ETFRF1: variants seen among roughly 807,000 people sequenced by gnomAD.
ETFRF1 encodes LYR motif containing 5.
In ETFRF1, 12 loss-of-function variants were observed where a neutral mutation model predicts 9.0. The observed-to-expected ratio is 1.34, with a 90% CI of 0.86 to 2.16. ETFRF1 has a LOEUF of 2.16. Among genes scored for constraint, ETFRF1 ranks in the 30% most tolerant of loss-of-function variants. The pLI, the probability that ETFRF1 is intolerant of heterozygous loss-of-function variation, is 0.00. For synonymous variants in ETFRF1, 34 were observed against 33.2 expected, an observed-to-expected ratio of 1.02 and a Z score of -0.08; for missense variants, 98 against 101.8, an observed-to-expected ratio of 0.96 and a Z score of 0.16.
At chr12:25,199,734 C>G (rs73288817) in intron 1 of ETFRF1, among the ~76,000 whole-genome samples, 3,040 of 152,068 alleles carry the variant, frequency 0.02, 83 homozygotes, top group African/African-American at 0.07. Context: ...TTCCTGGTCT[C>G]CAGCCCCTAC....
In ETFRF1 at chr12:25,204,285, T is replaced by C. The variant is rs140132567; in HGVS notation, c.246T>C (p.Tyr82=). The C allele has an allele frequency of 4.9e-4, 770 of 1,584,932 alleles. 1 individual carries two copies. The highest frequency in any genetic ancestry group is 5.9e-4 in the Non-Finnish European group (687 of 1,171,158). The change falls in exon 3 of 3, where the codon TAT becomes TAC. Residue 82 remains tyrosine (Y), a synonymous_variant. Coordinates refer to ENST00000381356, the MANE Select transcript of ETFRF1 (RefSeq NM_001001660.3). The stretch of plus-strand genomic sequence containing the variant: ...AATACAGAGCTATGAAACAACGCTA[T>C]TATTCAGATACCAACAAAACTAATT... ...LRKYRAMKQR[Y]YSDTNKTN
rs766513815 is a variant in ETFRF1 at position 25,203,971 on chromosome 12, T to C, written c.15T>C (p.Asn5=). 4.1e-6 allele frequency: 6 copies of C among 1,479,640 alleles called. No individual in the cohort carries two copies. The highest frequency in any genetic ancestry group is 4.5e-6 in the Non-Finnish European group (5 of 1,115,768). The allele number at this position is 1,479,640 out of a possible 1,614,324, so 91.7% of individuals were successfully genotyped here. A position where few individuals can be genotyped will look rare whatever the true frequency, so the allele number is the denominator to read the frequency against. The change falls in exon 2 of 3, where the codon AAT becomes AAC. Residue 5 remains asparagine (N), a synonymous_variant. Coordinates refer to ENST00000381356, the MANE Select transcript of ETFRF1 (RefSeq NM_001001660.3). MKMA[N]SLRGEVLKLY... is the part of the protein sequence containing the mutation. The stretch of plus-strand genomic sequence containing the variant: ...TTACATGATAAATGAAAATGGCCAA[T>C]TCTTTAAGAGGAGAAGTACTAAAAC...
chr12:25,197,181 A>G (rs1425680887), intron 1 of ETFRF1, among the ~76,000 whole-genome samples: 1 of 152,130 alleles, frequency 6.6e-6, no homozygotes, highest in Non-Finnish European at 1.5e-5. Flanking sequence ...AACTGCATTA[A>G]TTCATATAAG....
At chr12:25,197,456 A>G (rs1951039962) in intron 1 of ETFRF1, among the ~76,000 whole-genome samples, 1 of 152,098 alleles carries the variant, frequency 6.6e-6, no homozygotes, top group Non-Finnish European at 1.5e-5. Context: ...GGTTCCGAAG[A>G]GGTGTTTTTT....
intron 1 of ETFRF1, chr12:25,195,652 T>TA (rs1209114874): frequency 5.6e-5 from 9 of 160,810 alleles, no homozygotes; most frequent in African/African-American, 2.2e-4. Context: ...TTGGTTATTT[T>TA]AAGATTAATG....
intron 1 of ETFRF1, among the ~76,000 whole-genome samples, chr12:25,201,136 T>C (rs1478209808): frequency 6.6e-6 from 1 of 152,210 alleles, no homozygotes; most frequent in African/African-American, 2.4e-5. Context: ...TGAAAGCTGA[T>C]GTTGGGCGTT....
rs758595263 is a variant in ETFRF1, at chr12:25,204,693, TTACTTC to T, written c.*383_*388del. On this transcript the variant is annotated 3_prime_UTR_variant, in exon 3 of 3. Transcript: ENST00000381356. ...ATAAGCAAAATAATTTCTTACACACTTACTTCTCTTAACTTTTGAAAGGAATCCCTT... is the reference window on the plus strand; with the variant it reads ...ATAAGCAAAATAATTTCTTACACACTTCTTAACTTTTGAAAGGAATCCCTT... The T allele has an allele frequency of 2.3e-3, 340 of 149,178 alleles. 5 individuals carry two copies. The South Asian group carries it at 0.032, about 14-fold the overall frequency. 9.2% of individuals were successfully genotyped at this position (149,178 alleles called of 1,614,324 possible). A position where few individuals can be genotyped will look rare whatever the true frequency, so the allele number is the denominator to read the frequency against.
rs186896658 is a variant in ETFRF1 at position 25,196,902 on chromosome 12, C to G, written c.-38+1565C>G. Among the ~76,000 whole-genome samples, 185 of 152,276 alleles carry G rather than the reference C, an allele frequency of 1.2e-3. 1 individual carries two copies. Among genetic ancestry groups the G allele is most frequent in the South Asian group, 6.0e-3 (29 of 4,816 alleles). Reference sequence around the variant, plus strand: ...TGGTGTGGTGGCTCACGCCTGTAATCCCAGCATTTTGAGAGGCCAAAGTGG... The same window carrying G: ...TGGTGTGGTGGCTCACGCCTGTAATGCCAGCATTTTGAGAGGCCAAAGTGG... On this transcript the variant is annotated intron_variant, in intron 1 of 2. Transcript: ENST00000381356.
chr12:25,196,144 T>C (rs1189396897), intron 1 of ETFRF1: 1 of 152,236 alleles, frequency 6.6e-6, no homozygotes, highest in Non-Finnish European at 1.5e-5. Flanking sequence ...CTTTGTGGGT[T>C]AAAGTGTTAT....
intron 1 of ETFRF1, among the ~76,000 whole-genome samples, chr12:25,199,149 T>C (rs1951053946): frequency 6.6e-6 from 1 of 151,352 alleles, no homozygotes; most frequent in Admixed American, 6.6e-5. Context: ...TACACATCTA[T>C]ATATGCATAT....
chr12:25,203,517 T>C (rs764570765), intron 1 of ETFRF1, among the ~76,000 whole-genome samples: 1 of 152,058 alleles, frequency 6.6e-6, no homozygotes, highest in Non-Finnish European at 1.5e-5. Context: ...AGGGTAAAGA[T>C]AATCTCTTGT....
chr12:25,203,186 A>G (rs1314753907), intron 1 of ETFRF1, among the ~76,000 whole-genome samples: 1 of 152,234 alleles, frequency 6.6e-6, no homozygotes, highest in Non-Finnish European at 1.5e-5. Flanking sequence ...AGAGCTTACT[A>G]TTCAACTCTA....
intron 1 of ETFRF1, among the ~76,000 whole-genome samples, chr12:25,200,662 G>A (rs145706235): frequency 2.8e-4 from 42 of 152,312 alleles, no homozygotes; most frequent in African/African-American, 9.9e-4. Flanking sequence ...CAAACAGATA[G>A]AGGGAGCCAG....
At position 25,204,207 on chromosome 12, in the gene ETFRF1, T is replaced by C. The variant is rs201701567; in HGVS notation, c.168T>C (p.Ile56=). 1.9e-6 allele frequency: 3 copies of C among 1,612,980 alleles called. No individual in the cohort carries two copies. Among genetic ancestry groups the C allele is most frequent in the Non-Finnish European group, 2.5e-6 (3 of 1,179,586 alleles). The change falls in exon 3 of 3, where the codon ATT becomes ATC. Residue 56 remains isoleucine (I), a synonymous_variant. Transcript: ENST00000381356. The part of the protein sequence containing the change: ...VKNPEKIKEL[I]AQGEFVMKEL... ...ATCCAGAGAAGATCAAAGAACTTAT[T>C]GCACAGGGCGAATTTGTAATGAAAG...
At chr12:25,198,875 A>C (rs1951052163) in intron 1 of ETFRF1, among the ~76,000 whole-genome samples, 1 of 152,076 alleles carries the variant, frequency 6.6e-6, no homozygotes. Context: ...TCAAGTGTAT[A>C]TTCCAGGGTT....
Position 25,205,094 on chromosome 12 carries a change from T to TAATA in ETFRF1, c.*783_*786dup. On this transcript the variant is annotated 3_prime_UTR_variant, in exon 3 of 3. Transcript: ENST00000381356. ...AAGTTTAAGCAAACACGCCTTTACA[T>TAATA]AATATCCACAGCACCTTTTAGAAAT... The TAATA allele has an allele frequency of 4.6e-6, 1 of 215,506 alleles. No individual in the cohort carries two copies. The highest frequency in any genetic ancestry group is 9.4e-6 in the Non-Finnish European group (1 of 106,534). The allele number at this position is 215,506 out of a possible 1,614,324, so 13.3% of individuals were successfully genotyped here.
At chr12:25,203,278 C>T (rs1951091017) in intron 1 of ETFRF1, among the ~76,000 whole-genome samples, 1 of 152,178 alleles carries the variant, frequency 6.6e-6, no homozygotes, top group South Asian at 2.1e-4. Context: ...GTAGAGTTAA[C>T]ACATTACACA....
chr12:25,198,209 C>T (rs1951046032), intron 1 of ETFRF1, among the ~76,000 whole-genome samples: 2 of 152,136 alleles, frequency 1.3e-5, no homozygotes, highest in Non-Finnish European at 2.9e-5. Flanking sequence ...CATCCTCAGG[C>T]ATTCTAGAGA....
intron 1 of ETFRF1, among the ~76,000 whole-genome samples, chr12:25,202,919 C>G (rs1049031776): frequency 6.6e-6 from 1 of 152,126 alleles, no homozygotes; most frequent in African/African-American, 2.4e-5. Context: ...TATACACTTG[C>G]AGCTTTGTCA....
Sources: allele counts gnomAD v4.1 joint callset (sites outside exome capture counted in the v4.1 genomes callset), GRCh38; gene constraint gnomAD v4.1.1; transcripts MANE v1.5; gene names NCBI Gene and HGNC (gene_info 2026-07-23, HGNC 2026-07-21).